The following ACTL8 variants were observed in gnomAD, a reference collection of about 807,000 sequenced individuals.
ACTL8 encodes actin-like protein 8.
In ACTL8, 3 loss-of-function variants were observed where a neutral mutation model predicts 9.3. The ratio of observed to expected loss-of-function variants is 0.32; its 90% CI spans 0.15 to 0.83. ACTL8 has a LOEUF of 0.83. ACTL8 is among the 40% of genes least tolerant of loss of function. The pLI, the probability that ACTL8 is intolerant of heterozygous loss-of-function variation, is 0.57. For synonymous variants in ACTL8, 224 were observed against 205.9 expected (o/e 1.09, Z -0.75); for missense variants, 381 against 492.2 (o/e 0.77, Z 2.14).
At chr1:17,803,714 C>T (rs1260102608) in intron 1 of ACTL8, among the ~76,000 whole-genome samples, 1 of 152,170 alleles carries the variant, frequency 6.6e-6, no homozygotes, top group East Asian at 1.9e-4. Context: ...GTGTATGCTG[C>T]ATTGGTCATT....
intron 1 of ACTL8, among the ~76,000 whole-genome samples, chr1:17,781,672 G>T (rs930201539): frequency 1.3e-5 from 2 of 152,118 alleles, no homozygotes; most frequent in African/African-American, 4.8e-5. Flanking sequence ...TGAGGTCCTG[G>T]GGTAGACATG....
chr1:17,782,566 A>G (rs927854957), intron 1 of ACTL8, among the ~76,000 whole-genome samples: 2 of 152,156 alleles, frequency 1.3e-5, no homozygotes, highest in African/African-American at 4.8e-5. Context: ...ATGGGACCAT[A>G]ACATACGTAA....
chr1:17,760,635 G>A (rs2065994150), intron 1 of ACTL8, among the ~76,000 whole-genome samples: 1 of 152,194 alleles, frequency 6.6e-6, no homozygotes, highest in South Asian at 2.1e-4. Context: ...CCTGCTTAGA[G>A]ACAACTCTGG....
chr1:17,816,107 T>C (rs1353199317), intron 1 of ACTL8, among the ~76,000 whole-genome samples: 1 of 152,198 alleles, frequency 6.6e-6, no homozygotes, highest in East Asian at 1.9e-4. Flanking sequence ...GATGAGAGCT[T>C]TCAGAACTTA....
In ACTL8 at chr1:17,776,350, G is replaced by C. The variant is rs1172007407; in HGVS notation, c.-25+20846G>C. Reference sequence around the variant, plus strand: ...TGTGTACAGCCACTCCAGGGTCAATGAGTTTGGTTGCTCGGTGCCTGGAGC... The same window carrying C: ...TGTGTACAGCCACTCCAGGGTCAATCAGTTTGGTTGCTCGGTGCCTGGAGC... On this transcript the variant is annotated intron_variant, in intron 1 of 2. Coordinates refer to ENST00000375406, the MANE Select transcript of ACTL8 (RefSeq NM_030812.3). Among the ~76,000 whole-genome samples the C allele has an allele frequency of 6.6e-5, 10 of 152,280 alleles. No individual in the cohort carries two copies. The East Asian group carries it at 1.9e-3, about 30-fold the overall frequency.
At chr1:17,792,143 C>T (rs1427506658) in intron 1 of ACTL8, among the ~76,000 whole-genome samples, 2 of 152,160 alleles carry the variant, frequency 1.3e-5, no homozygotes, top group African/African-American at 2.4e-5. Flanking sequence ...GGACAGCTGC[C>T]CCAGGTGGAG....
At chr1:17,824,521 A>G (rs529452992) in intron 2 of ACTL8, among the ~76,000 whole-genome samples, 1 of 152,336 alleles carries the variant, frequency 6.6e-6, no homozygotes, top group East Asian at 1.9e-4. Context: ...CATCAAGTTA[A>G]AGGCTAAAAT....
At chr1:17,816,515 T>C (rs1318034329) in intron 1 of ACTL8, among the ~76,000 whole-genome samples, 2 of 152,242 alleles carry the variant, frequency 1.3e-5, no homozygotes, top group Non-Finnish European at 2.9e-5. Flanking sequence ...AAAATATTAA[T>C]AGCTTTTCAG....
chr1:17,761,450 A>G (rs1416092308), intron 1 of ACTL8, among the ~76,000 whole-genome samples: 2 of 152,152 alleles, frequency 1.3e-5, no homozygotes, highest in Non-Finnish European at 2.9e-5. Context: ...TTGTTGGCAC[A>G]GACTCTGTGT....
At chr1:17,758,670 G>A (rs1217561465) in intron 1 of ACTL8, among the ~76,000 whole-genome samples, 1 of 152,174 alleles carries the variant, frequency 6.6e-6, no homozygotes, top group African/African-American at 2.4e-5. Context: ...CTGAACTGAT[G>A]CTGTTTCCTG....
chr1:17,778,388 G>T lies in ACTL8; in HGVS notation c.-25+22884G>T, dbSNP rs547373970. Among the ~76,000 whole-genome samples the T allele has an allele frequency of 8.6e-5, 13 of 151,790 alleles. No homozygotes were observed. The East Asian group carries it at 1.4e-3, about 16-fold the overall frequency. On this transcript the variant is annotated intron_variant, in intron 1 of 2. Coordinates refer to ENST00000375406, the MANE Select transcript of ACTL8 (RefSeq NM_030812.3). Reference sequence around the variant, plus strand: ...CCTGGGTGGGGGAGGGTATGAAGGGGCCCAAGCTAAGCTGCTCCCACTGAG... The same window carrying T: ...CCTGGGTGGGGGAGGGTATGAAGGGTCCCAAGCTAAGCTGCTCCCACTGAG...
In ACTL8 at chr1:17,811,553, C is replaced by G. The variant is rs75377984; in HGVS notation, c.-24-11432C>G. ...TTAGATCTAAGGTCACACAGATGTT[C>G]TTATGTTTTTTGCAGAAGTTTTATA... On this transcript the variant is annotated intron_variant, in intron 1 of 2. Coordinates refer to ENST00000375406, the MANE Select transcript of ACTL8 (RefSeq NM_030812.3). Among the ~76,000 whole-genome samples the G allele has an allele frequency of 3.9e-3, 596 of 152,190 alleles. 13 individuals carry two copies. The East Asian group carries it at 0.065, about 17-fold the overall frequency.
chr1:17,786,515 TTTAGCCTGTTAC>T (rs1286888151), intron 1 of ACTL8, among the ~76,000 whole-genome samples: 4 of 152,198 alleles, frequency 2.6e-5, no homozygotes, highest in East Asian at 1.9e-4. Context: ...AAATAAGTTA[TTTAGCCTGTTAC>T]TTAGCCTGTT....
chr1:17,771,297 A>AT (rs892747665), intron 1 of ACTL8, among the ~76,000 whole-genome samples: 35 of 150,162 alleles, frequency 2.3e-4, no homozygotes, highest in South Asian at 4.2e-4. Context: ...TCTTCTTCTG[A>AT]TTTTTTTTTT....
intron 1 of ACTL8, among the ~76,000 whole-genome samples, chr1:17,776,431 T>G (rs1368106374): frequency 6.6e-6 from 1 of 152,134 alleles, no homozygotes; most frequent in African/African-American, 2.4e-5. Context: ...GTTTTGGCCC[T>G]CCCGCTGTGC....
chr1:17,778,487 C>T (rs930891971), intron 1 of ACTL8, among the ~76,000 whole-genome samples: 4 of 152,080 alleles, frequency 2.6e-5, no homozygotes, highest in Admixed American at 2.0e-4. Flanking sequence ...AGCATGTTGT[C>T]GGGTGTGGCT....
intron 1 of ACTL8, among the ~76,000 whole-genome samples, chr1:17,782,565 T>C (rs2066164384): frequency 6.6e-6 from 1 of 152,154 alleles, no homozygotes; most frequent in Non-Finnish European, 1.5e-5. Context: ...AATGGGACCA[T>C]AACATACGTA....
At chr1:17,773,859 C>T (rs2066099438) in intron 1 of ACTL8, among the ~76,000 whole-genome samples, 1 of 152,226 alleles carries the variant, frequency 6.6e-6, no homozygotes, top group Admixed American at 6.5e-5. Context: ...GATTTCTGAG[C>T]TTCCGTCTTC....
chr1:17,766,340 C>T (rs1032826897), intron 1 of ACTL8, among the ~76,000 whole-genome samples: 2 of 152,136 alleles, frequency 1.3e-5, no homozygotes, highest in Non-Finnish European at 2.9e-5. Flanking sequence ...CTGACTTAAT[C>T]GGCAGAGAAC....
Sources: allele counts gnomAD v4.1 joint callset (sites outside exome capture counted in the v4.1 genomes callset), GRCh38; gene constraint gnomAD v4.1.1; transcripts MANE v1.5; gene names NCBI Gene and HGNC (gene_info 2026-07-23, HGNC 2026-07-21).